GLT6D1: variants seen among roughly 807,000 people sequenced by gnomAD.
GLT6D1 encodes the protein glycosyltransferase 6 domain containing 1, also known as putative glycosyltransferase 6 domain-containing protein 1.
GLT6D1 carries 9 observed loss-of-function variants against 12.3 expected under a neutral mutation model. That is an observed-to-expected ratio of 0.73 (90% CI 0.44 to 1.27). The LOEUF is 1.27. GLT6D1 is among the 50% of genes most tolerant of loss of function. The pLI, the probability that GLT6D1 is intolerant of heterozygous loss-of-function variation, is 0.00. For synonymous variants in GLT6D1, 128 were observed against 132.3 expected (o/e 0.97, Z 0.23); for missense variants, 335 against 346.2 (o/e 0.97, Z 0.26).
At chr9:135,627,504 C>A (rs1833549265) in intron 3 of GLT6D1, among the ~76,000 whole-genome samples, 1 of 152,218 alleles carries the variant, frequency 6.6e-6, no homozygotes. Flanking sequence ...TTTGCCTGTT[C>A]TGGAAATATG....
chr9:135,626,268 G>A (rs11103106), intron 3 of GLT6D1, 62 bp from the exon 4 acceptor site: 796,786 of 1,579,468 alleles, frequency 0.5, 202,139 homozygotes, highest in East Asian at 0.64. Context: ...AGCAGGTGCC[G>A]AGCAGTAATG....
intron 3 of GLT6D1, among the ~76,000 whole-genome samples, chr9:135,627,531 T>C (rs1046454869): frequency 1.3e-5 from 2 of 152,332 alleles, no homozygotes; most frequent in African/African-American, 2.4e-5. Context: ...TAATATTCCA[T>C]TGGATGGCTA....
intron 2 of GLT6D1, among the ~76,000 whole-genome samples, chr9:135,635,318 TA>T (rs995680770): frequency 2.0e-5 from 3 of 152,070 alleles, no homozygotes; most frequent in Non-Finnish European, 2.9e-5. Flanking sequence ...ATAGAATTTG[TA>T]AAAAAAATCC....
chr9:135,628,496 T>C (rs757290384), intron 3 of GLT6D1, among the ~76,000 whole-genome samples: 3 of 152,102 alleles, frequency 2.0e-5, no homozygotes, highest in Non-Finnish European at 4.4e-5. Context: ...TCTATAATAG[T>C]ATTTTGCTGA....
intron 3 of GLT6D1, among the ~76,000 whole-genome samples, chr9:135,628,866 C>T (rs7046499): frequency 0.051 from 7,759 of 152,090 alleles, 337 homozygotes; most frequent in African/African-American, 0.11. Flanking sequence ...ACAGTATTCA[C>T]TTATAATCCT....
intron 2 of GLT6D1, among the ~76,000 whole-genome samples, chr9:135,638,551 A>G (rs1833828743): frequency 6.6e-6 from 1 of 152,118 alleles, no homozygotes. Context: ...CTTGTTTTAT[A>G]AAATATTATA....
intron 3 of GLT6D1, among the ~76,000 whole-genome samples, chr9:135,628,194 C>T (rs372600687): frequency 6.6e-6 from 1 of 151,986 alleles, no homozygotes; most frequent in South Asian, 2.1e-4. Flanking sequence ...TTGATGAAGT[C>T]CACTTTACCT....
chr9:135,630,722 C>CAA (rs35598173), intron 3 of GLT6D1, among the ~76,000 whole-genome samples: 7 of 105,064 alleles, frequency 6.7e-5, no homozygotes, highest in East Asian at 3.4e-4. Context: ...TCTGTCTCTA[C>CAA]AAAAAAAAAA....
At position 135,626,043 on chromosome 9, in the gene GLT6D1, A is replaced by G. The variant is rs776039717; in HGVS notation, c.257+26T>C. On this transcript the variant is annotated intron_variant, in intron 4 of 4. Transcript: ENST00000371763. The stretch of plus-strand genomic sequence containing the variant: ...CTGATCCACATTTTCCCAAAATAAA[A>G]AAGGGCAAAGGTGAGTGGCACCTAC... 17 of 1,609,292 alleles carry G rather than the reference A, an allele frequency of 1.1e-5. No individual in the cohort carries two copies. The African/African-American group carries it at 1.7e-4, about 16-fold the overall frequency.
upstream of GLT6D1, among the ~76,000 whole-genome samples, chr9:135,640,071 C>A (rs1442630613): frequency 6.6e-6 from 1 of 152,120 alleles, no homozygotes; most frequent in African/African-American, 2.4e-5. Flanking sequence ...CCTCAGCCTT[C>A]CAGTGATTTT....
At chr9:135,637,427 G>A (rs1008589246) in intron 2 of GLT6D1, among the ~76,000 whole-genome samples, 1 of 151,664 alleles carries the variant, frequency 6.6e-6, no homozygotes, top group African/African-American at 2.4e-5. Flanking sequence ...TTGCTCTGTG[G>A]CATGATAAGG....
At chr9:135,640,582 T>G (rs1833872891), upstream of GLT6D1, among the ~76,000 whole-genome samples, 1 of 151,856 alleles carries the variant, frequency 6.6e-6, no homozygotes, top group African/African-American at 2.4e-5. Flanking sequence ...TAGCCAGGTG[T>G]GGTGGCTCAC....
chr9:135,634,923 GCT>G (rs1362689979), intron 2 of GLT6D1, among the ~76,000 whole-genome samples: 1 of 152,194 alleles, frequency 6.6e-6, no homozygotes, highest in African/African-American at 2.4e-5. Context: ...CGCAAAGACT[GCT>G]CTTTCTCCCC....
chr9:135,631,041 C>G (rs1439626520), intron 3 of GLT6D1, among the ~76,000 whole-genome samples: 2 of 150,634 alleles, frequency 1.3e-5, no homozygotes, highest in Non-Finnish European at 2.9e-5. Context: ...AGCCCCCAAA[C>G]TGTAAATAAC....
chr9:135,624,842 G>T (rs1410344009), intron 4 of GLT6D1, among the ~76,000 whole-genome samples, 172 bp from the exon 5 acceptor site: 6 of 141,276 alleles, frequency 4.2e-5, no homozygotes, highest in African/African-American at 8.0e-5. Flanking sequence ...CAATTCTCCT[G>T]CCTCAGCCTC....
chr9:135,628,510 G>C (rs1833567409), intron 3 of GLT6D1, among the ~76,000 whole-genome samples: 1 of 151,928 alleles, frequency 6.6e-6, no homozygotes, highest in Non-Finnish European at 1.5e-5. Context: ...TTGCTGAAAA[G>C]TTCTGCATTT....
intron 3 of GLT6D1, among the ~76,000 whole-genome samples, chr9:135,627,781 C>G (rs758732735): frequency 8.5e-5 from 13 of 152,094 alleles, no homozygotes; most frequent in Non-Finnish European, 1.6e-4. Flanking sequence ...TACATTCCCA[C>G]CAAAAGTATA....
chr9:135,624,322 G>A lies in GLT6D1; in HGVS notation c.606C>T (p.Asn202=), dbSNP rs1386462539. Residue 202 remains asparagine (N), a synonymous_variant, in exon 5 of 5, where the codon AAC becomes AAT. Coordinates refer to ENST00000371763, the MANE Select transcript of GLT6D1 (RefSeq NM_182974.3). ...TCCTCTCATAAGGGAAGTTCTTGGT[G>A]TTTCTGAAATACCACCAGGCGTGGA... ...AQLHAWWYFR[N]TKNFPYERRP... is the part of the protein sequence containing the mutation. 6.2e-7 allele frequency: 1 copy of A among 1,610,730 alleles called. No individual in the cohort carries two copies. The highest frequency in any genetic ancestry group is 1.7e-5 in the Admixed American group (1 of 59,630).
In GLT6D1 at chr9:135,626,140, G is replaced by A; in HGVS notation, c.186C>T (p.Asp62=). The A allele has an allele frequency of 6.2e-7, 1 of 1,614,108 alleles. No individual in the cohort carries two copies. The highest frequency in any genetic ancestry group is 8.5e-7 in the Non-Finnish European group (1 of 1,179,990). Residue 62 remains aspartate (D), a synonymous_variant, in exon 4 of 5, where the codon GAC becomes GAT. Transcript: ENST00000371763. ...TGTAATGTTTTTCCAGGACCCGCCT[G>A]TCGAAAGTCCCTTCCCATAGGACAG... The part of the protein sequence containing the change: ...LAPVLWEGTF[D]RRVLEKHYRR...
Sources: allele counts gnomAD v4.1 joint callset (sites outside exome capture counted in the v4.1 genomes callset), GRCh38; gene constraint gnomAD v4.1.1; transcripts MANE v1.5; gene names NCBI Gene and HGNC (gene_info 2026-07-23, HGNC 2026-07-21).